Variants in NKX6-1 observed in about 807,000 individuals in gnomAD.
NKX6-1 encodes NK6 homeobox 1, also known as homeobox protein Nkx-6.1.
NKX6-1 carries 11 observed loss-of-function variants against 24.9 expected under a neutral mutation model. That is an observed-to-expected ratio of 0.44 (90% CI 0.28 to 0.73). NKX6-1 has a LOEUF of 0.73. Ranked by LOEUF, NKX6-1 falls within the 30% of genes least tolerant of loss-of-function variation. The pLI is 0.15. For missense variants in NKX6-1, 487 were observed against 502.9 expected (o/e 0.97, Z 0.30); for synonymous variants, 277 against 242.9 (o/e 1.14, Z -1.31).
chr4:84,497,677 C>T lies in NKX6-1; in HGVS notation c.552G>A (p.Val184=). 1 of 1,272,922 alleles carries T rather than the reference C, an allele frequency of 7.9e-7. No individual in the cohort carries two copies. The highest frequency in any genetic ancestry group is 9.9e-7 in the Non-Finnish European group (1 of 1,005,404). 78.9% of individuals were successfully genotyped at this position (1,272,922 alleles called of 1,614,324 possible). A position where few individuals can be genotyped will look rare whatever the true frequency, so the allele number is the denominator to read the frequency against. Residue 184 remains valine (V), a synonymous_variant, in exon 1 of 3, where the codon GTG becomes GTA. Coordinates refer to ENST00000295886, the MANE Select transcript of NKX6-1 (RefSeq NM_006168.3). The surrounding 1 kb of genome is among the most constrained non-coding windows in gnomAD (Gnocchi z 4.8). ...GCTTGGGGTACCGGCCCACGGCGGC[C>T]ACGGCCGCGGCGCTGGGGCTGAAGT... ...GLYFSPSAAA[V]AAVGRYPKPL... is the part of the protein sequence containing the mutation.
chr4:84,493,613 G>T lies in NKX6-1; in HGVS notation c.844-64C>A, dbSNP rs1720768956. 3.2e-6 allele frequency: 5 copies of T among 1,581,368 alleles called. No individual in the cohort carries two copies. Among genetic ancestry groups the T allele is most frequent in the Admixed American group, 1.7e-5 (1 of 58,434 alleles). ...CGAGGAATTAAACGAGCAGATCCAG[G>T]CCATGCTACCACTCCCGCATCTCGA... is the stretch of plus-strand genomic sequence containing the variant. On this transcript the variant is annotated intron_variant, in intron 2 of 2. Coordinates refer to ENST00000295886, the MANE Select transcript of NKX6-1 (RefSeq NM_006168.3). The surrounding 1 kb of genome is among the most constrained non-coding windows in gnomAD (Gnocchi z 5.1).
At chr4:84,496,733 C>G (rs751641673) in intron 1 of NKX6-1, 1 of 152,368 alleles carries the variant, frequency 6.6e-6, no homozygotes, top group African/African-American at 2.4e-5. Context: ...AAGGTCTTTG[C>G]GGGATGGTAC....
Position 84,495,858 on chromosome 4 carries a change from T to TATAAG in NKX6-1, c.671-15_671-14insCTTAT. 6.2e-7 allele frequency: 1 copy of TATAAG among 1,612,994 alleles called. No homozygotes were observed. The highest frequency in any genetic ancestry group is 8.5e-7 in the Non-Finnish European group (1 of 1,179,234). On this transcript the variant is annotated splice_polypyrimidine_tract_variant and intron_variant, in intron 1 of 2. Coordinates refer to ENST00000295886, the MANE Select transcript of NKX6-1 (RefSeq NM_006168.3). ...TGGATCCTTGATCTGTGAGAACCAA[T>TATAAG]AAACAACGAGAGAGGGGGAAAAACA...
chr4:84,498,142 G>T lies in NKX6-1; in HGVS notation c.87C>A (p.Ala29=). Residue 29 remains alanine, a synonymous_variant, in exon 1 of 3, where the codon GCC becomes GCA. Coordinates refer to ENST00000295886, the MANE Select transcript of NKX6-1 (RefSeq NM_006168.3). ...SPPLAALHSM[A]EMKTPLYPAA... is the part of the protein sequence containing the mutation. ...CAGGGTACAGCGGGGTCTTCATCTC[G>T]GCCATGCTGTGCAGGGCGGCCAGGG... The T allele has an allele frequency of 7.7e-7, 1 of 1,292,340 alleles. No individual in the cohort carries two copies. Among genetic ancestry groups the T allele is most frequent in the Non-Finnish European group, 9.8e-7 (1 of 1,020,138 alleles). 80.1% of individuals were successfully genotyped at this position (1,292,340 alleles called of 1,614,324 possible).
In NKX6-1 at chr4:84,495,705, G is replaced by A; in HGVS notation, c.810C>T (p.Ala270=). 6.2e-7 allele frequency: 1 copy of A among 1,612,714 alleles called. No homozygotes were observed. Among genetic ancestry groups the A allele is most frequent in the Non-Finnish European group, 8.5e-7 (1 of 1,180,030 alleles). The change falls in exon 2 of 3, where the codon GCC becomes GCT. Residue 270 remains alanine (A), a synonymous_variant. Coordinates refer to ENST00000295886, the MANE Select transcript of NKX6-1 (RefSeq NM_006168.3). The part of the protein sequence containing the change: ...YLAGPERARL[A]YSLGMTESQV... ...GACTCTCTGTCATCCCCAACGAATA[G>A]GCCAAACGAGCCCTCTCGGGCCCCG...
Position 84,495,726 on chromosome 4 carries a change from C to T in NKX6-1, c.789G>A (p.Gly263=). ...AATAGGCCAAACGAGCCCTCTCGGG[C>T]CCCGCCAAGTATTTTGTTTGTTCGA... is the stretch of plus-strand genomic sequence containing the variant. ...KTFEQTKYLA[G]PERARLAYSL... Residue 263 remains glycine, a synonymous_variant, in exon 2 of 3, where the codon GGG becomes GGA. Coordinates refer to ENST00000295886, the MANE Select transcript of NKX6-1 (RefSeq NM_006168.3). 7.4e-6 allele frequency: 12 copies of T among 1,613,334 alleles called. No individual in the cohort carries two copies. Among genetic ancestry groups the T allele is most frequent in the Non-Finnish European group, 1.0e-5 (12 of 1,180,042 alleles).
Position 84,492,985 on chromosome 4 carries a change from C to T in NKX6-1, c.*304G>A, listed in dbSNP as rs982562301. The T allele has an allele frequency of 1.0e-5, 2 of 195,932 alleles. No individual in the cohort carries two copies. The highest frequency in any genetic ancestry group is 4.6e-5 in the African/African-American group (2 of 43,366). The allele number at this position is 195,932 out of a possible 1,614,324, so 12.1% of individuals were successfully genotyped here. A position where few individuals can be genotyped will look rare whatever the true frequency, so the allele number is the denominator to read the frequency against. ...CCCGGGCGCTGAGGCCGCTGCCCGCCTATGGGGACGCGGCTGGGACCGTGG... is the reference window on the plus strand; with the variant it reads ...CCCGGGCGCTGAGGCCGCTGCCCGCTTATGGGGACGCGGCTGGGACCGTGG... On this transcript the variant is annotated 3_prime_UTR_variant, in exon 3 of 3. Transcript: ENST00000295886.
In NKX6-1 at chr4:84,495,653, G is replaced by C. The variant is rs747201625; in HGVS notation, c.843+19C>G. 1.7e-5 allele frequency: 28 copies of C among 1,608,360 alleles called. No homozygotes were observed. The highest frequency in any genetic ancestry group is 2.3e-5 in the Non-Finnish European group (27 of 1,177,074). ...ACAGGGGCGGTACCTATCCCTCCAGGTATGCAAGGTCCACTCACCTTGACC... is the reference window on the plus strand; with the variant it reads ...ACAGGGGCGGTACCTATCCCTCCAGCTATGCAAGGTCCACTCACCTTGACC... On this transcript the variant is annotated intron_variant, in intron 2 of 2. Coordinates refer to ENST00000295886, the MANE Select transcript of NKX6-1 (RefSeq NM_006168.3).
chr4:84,493,554 G>C lies in NKX6-1; in HGVS notation c.844-5C>G, dbSNP rs758057146. ...CCGGCGGTTCTGGAACCAGACCTGAGGGCGGAGAAAAGGGAGGAGAGGGGA... is the reference window on the plus strand; with the variant it reads ...CCGGCGGTTCTGGAACCAGACCTGACGGCGGAGAAAAGGGAGGAGAGGGGA... On this transcript the variant is annotated splice_region_variant and splice_polypyrimidine_tract_variant and intron_variant, in intron 2 of 2. Coordinates refer to ENST00000295886, the MANE Select transcript of NKX6-1 (RefSeq NM_006168.3). The surrounding 1 kb of genome is among the most constrained non-coding windows in gnomAD (Gnocchi z 5.1). 1.9e-6 allele frequency: 3 copies of C among 1,613,760 alleles called. No homozygotes were observed. The highest frequency in any genetic ancestry group is 2.5e-6 in the Non-Finnish European group (3 of 1,179,842).
Position 84,493,498 on chromosome 4 carries a change from T to A in NKX6-1, c.895A>T (p.Met299Leu). Residue 299 changes from methionine to leucine, a missense_variant, in exon 3 of 3, where the codon ATG becomes TTG. Transcript: ENST00000295886. The surrounding 1 kb of genome is among the most constrained non-coding windows in gnomAD (Gnocchi z 5.1). Reference sequence around the variant, plus strand: ...TCCTGCTTCTTCTTGGCCGTGGCCATCTCGGCAGCGTGCTTCTTCCTCCAC... The same window carrying A: ...TCCTGCTTCTTCTTGGCCGTGGCCAACTCGGCAGCGTGCTTCTTCCTCCAC... The part of the protein sequence containing the change: ...TKWRKKHAAE[M>L]ATAKKKQDSE... 6.2e-7 allele frequency: 1 copy of A among 1,614,204 alleles called. No individual in the cohort carries two copies. Among genetic ancestry groups the A allele is most frequent in the Non-Finnish European group, 8.5e-7 (1 of 1,180,028 alleles).
intron 2 of NKX6-1, among the ~76,000 whole-genome samples, chr4:84,495,119 T>C (rs1179165809): frequency 2.6e-5 from 4 of 152,244 alleles, no homozygotes; most frequent in Non-Finnish European, 5.9e-5. Flanking sequence ...GTAAAATTAC[T>C]ATTCCAAAGC....
Position 84,497,820 on chromosome 4 carries a change from A to C in NKX6-1, c.409T>G (p.Ser137Ala), listed in dbSNP as rs560506089. The change falls in exon 1 of 3, where the codon TCT becomes GCT. Residue 137 changes from serine (S) to alanine (A), a missense_variant. Around this residue, in one of 3 missense-constraint regions of NKX6-1, gnomAD observed 316 missense variants for 311.4 expected, o/e 1.01. Coordinates refer to ENST00000295886, the MANE Select transcript of NKX6-1 (RefSeq NM_006168.3). The surrounding 1 kb of genome is among the most constrained non-coding windows in gnomAD (Gnocchi z 4.8). ...GCGGCAGCAGCCGCGGCGGCGGCAG[A>C]GGCGGAGGAGGCAGAGGCGGACGAG... is the stretch of plus-strand genomic sequence containing the variant. ...SSSSASASSA[S>A]AAAAAAAAAA... 5.3e-4 allele frequency: 672 copies of C among 1,271,958 alleles called. No individual in the cohort carries two copies. In the African/African-American group the frequency reaches 7.8e-3, roughly 15 times the overall value. The allele number at this position is 1,271,958 out of a possible 1,614,324, so 78.8% of individuals were successfully genotyped here. A position where few individuals can be genotyped will look rare whatever the true frequency, so the allele number is the denominator to read the frequency against.
At position 84,498,190 on chromosome 4, in the gene NKX6-1, G is replaced by T. The variant is rs1720869120; in HGVS notation, c.39C>A (p.Ser13Arg). 1 of 1,297,550 alleles carries T rather than the reference G, an allele frequency of 7.7e-7. No individual in the cohort carries two copies. Among genetic ancestry groups the T allele is most frequent in the Non-Finnish European group, 9.8e-7 (1 of 1,022,692 alleles). 80.4% of individuals were successfully genotyped at this position (1,297,550 alleles called of 1,614,324 possible). ...GGGGAGGGCTGCTGAGCAGGAATGC[G>T]CTCTGCCGGGTGCCCTCCATTGCCC... Reference protein sequence around the residue: ...AVGAMEGTRQSAFLLSSPPLA... With the variant: ...AVGAMEGTRQRAFLLSSPPLA... The change falls in exon 1 of 3, where the codon AGC becomes AGA. Residue 13 changes from serine (S) to arginine (R), a missense_variant. By Grantham distance (110) the Ser-to-Arg change is moderately radical. Transcript: ENST00000295886.
At chr4:84,495,110 T>C (rs1720792232) in intron 2 of NKX6-1, among the ~76,000 whole-genome samples, 1 of 152,220 alleles carries the variant, frequency 6.6e-6, no homozygotes. Context: ...AATTCATTTG[T>C]AAAATTACTA....
chr4:84,495,157 G>A (rs1720792850), intron 2 of NKX6-1, among the ~76,000 whole-genome samples: 1 of 152,122 alleles, frequency 6.6e-6, no homozygotes, highest in African/African-American at 2.4e-5. Context: ...CTAAAAAACA[G>A]GTTCATCTAT....
rs764349799 is a variant in NKX6-1 at position 84,493,341 on chromosome 4, C to T, written c.1052G>A (p.Gly351Asp). Residue 351 changes from glycine to aspartate, a missense_variant, in exon 3 of 3, where the codon GGC becomes GAC. By Grantham distance (94) the Gly-to-Asp change is moderately conservative (BLOSUM62 -1). Around this residue, in one of 3 missense-constraint regions of NKX6-1, gnomAD observed 126 missense variants for 105.5 expected, o/e 1.19. Transcript: ENST00000295886. The surrounding 1 kb of genome is among the most constrained non-coding windows in gnomAD (Gnocchi z 5.1). The stretch of plus-strand genomic sequence containing the variant: ...GTGCAGTAGGAGGCCGCCGCCGCCG[C>T]CGCTGCTGGACTTGTGCTTCTTCAA... ...QLLKKHKSSS[G>D]GGGGLLLHAS... 8 of 1,613,590 alleles carry T rather than the reference C, an allele frequency of 5.0e-6. No individual in the cohort carries two copies. The highest frequency in any genetic ancestry group is 6.8e-6 in the Non-Finnish European group (8 of 1,179,934).
At position 84,493,423 on chromosome 4, in the gene NKX6-1, C is replaced by G; in HGVS notation, c.970G>C (p.Asp324His). The change falls in exon 3 of 3, where the codon GAC (aspartate) becomes CAC (histidine). Residue 324 changes from aspartate (D) to histidine (H), a missense_variant. Asp to His is a moderately conservative substitution (Grantham distance 81). Coordinates refer to ENST00000295886, the MANE Select transcript of NKX6-1 (RefSeq NM_006168.3). The surrounding 1 kb of genome is among the most constrained non-coding windows in gnomAD (Gnocchi z 5.1). ...GGATCCAGAGGCTTATTGTAGTCGT[C>G]GTCCTCTTCCTCGTTCTCCGAGGCC... ...KGASENEEED[D>H]DYNKPLDPNS... 1 of 1,614,268 alleles carries G rather than the reference C, an allele frequency of 6.2e-7. No individual in the cohort carries two copies. The highest frequency in any genetic ancestry group is 8.5e-7 in the Non-Finnish European group (1 of 1,180,048).
In NKX6-1 at chr4:84,495,737, A is replaced by G; in HGVS notation, c.778T>C (p.Tyr260His). ...ALEKTFEQTK[Y>H]LAGPERARLA... ...CGAGCCCTCTCGGGCCCCGCCAAGT[A>G]TTTTGTTTGTTCGAAAGTCTTCTCC... The change falls in exon 2 of 3, where the codon TAC becomes CAC. Residue 260 changes from tyrosine to histidine, a missense_variant. Tyr to His is a moderately conservative substitution (Grantham distance 83). Coordinates refer to ENST00000295886, the MANE Select transcript of NKX6-1 (RefSeq NM_006168.3). 1 of 1,613,666 alleles carries G rather than the reference A, an allele frequency of 6.2e-7. No individual in the cohort carries two copies. Among genetic ancestry groups the G allele is most frequent in the Non-Finnish European group, 8.5e-7 (1 of 1,180,042 alleles).
At chr4:84,495,166 A>G (rs1004803757) in intron 2 of NKX6-1, among the ~76,000 whole-genome samples, 3 of 152,240 alleles carry the variant, frequency 2.0e-5, no homozygotes, top group African/African-American at 7.2e-5. Context: ...AGGTTCATCT[A>G]TGGCAAGTGG....
Sources: allele counts gnomAD v4.1 joint callset (sites outside exome capture counted in the v4.1 genomes callset), GRCh38; gene constraint gnomAD v4.1.1; regional missense constraint gnomAD v4.1.1; non-coding constraint Gnocchi (gnomAD v3.1); transcripts MANE v1.5; gene names NCBI Gene and HGNC (gene_info 2026-07-23, HGNC 2026-07-21).